Variants in CRB1 observed in about 807,000 individuals in gnomAD.
The protein encoded by CRB1 is crumbs cell polarity complex component 1.
In CRB1, 83 loss-of-function variants were observed where a neutral mutation model predicts 120.0. That is an observed-to-expected ratio of 0.69 (90% confidence interval 0.58 to 0.83). The LOEUF is 0.83. Among genes scored for constraint, CRB1 ranks in the 40% least tolerant of loss-of-function variants. The pLI is 0.00. For missense variants in CRB1, 1,699 were observed against 1,687.6 expected (o/e 1.01, Z -0.12); for synonymous variants, 625 against 612.5 (o/e 1.02, Z -0.30).
intron 2 of CRB1, among the ~76,000 whole-genome samples, chr1:197,339,612 G>T (rs1008882492): frequency 2.0e-5 from 3 of 152,174 alleles, no homozygotes; most frequent in Non-Finnish European, 4.4e-5. Context: ...CTTGCTGCGT[G>T]CATGGTGTGC....
intron 1 of CRB1, among the ~76,000 whole-genome samples, chr1:197,321,024 A>G (rs1469020636): frequency 6.6e-6 from 1 of 152,182 alleles, no homozygotes; most frequent in Non-Finnish European, 1.5e-5. Context: ...AAACAGTACA[A>G]GCTATTCCCA....
chr1:197,347,833 A>G (rs1039346716), intron 4 of CRB1, among the ~76,000 whole-genome samples: 2 of 90,558 alleles, frequency 2.2e-5, no homozygotes, highest in African/African-American at 5.2e-5. Flanking sequence ...AATCCATGAA[A>G]TAATGTTAAA....
chr1:197,209,968 G>C, the CRB1 span, among the ~76,000 whole-genome samples: 2 of 152,122 alleles, frequency 1.3e-5, no homozygotes, highest in African/African-American at 4.8e-5. Flanking sequence ...TCTTTCAAAG[G>C]GTCTGTGAAT....
At chr1:197,380,174 A>G (rs972971323) in intron 5 of CRB1, among the ~76,000 whole-genome samples, 11 of 152,192 alleles carry the variant, frequency 7.2e-5, no homozygotes, top group African/African-American at 2.4e-4. Context: ...GTCACCTATG[A>G]GACAATAGTC....
the CRB1 span, among the ~76,000 whole-genome samples, chr1:197,220,194 G>A: frequency 6.6e-6 from 1 of 151,518 alleles, no homozygotes; most frequent in Non-Finnish European, 1.5e-5. Context: ...AAAAAGAAAA[G>A]GAATAAAAGG....
intron 6 of CRB1, among the ~76,000 whole-genome samples, 193 bp downstream of exon 6, chr1:197,422,149 T>C (rs766984122): frequency 3.3e-5 from 5 of 152,204 alleles, no homozygotes; most frequent in Middle Eastern, 3.2e-3. Context: ...AGTGGATTCA[T>C]AGGACATCAG....
rs751935649 is a variant in CRB1, at chr1:197,421,568, T to TACCTTAATCGACG, written c.1743_1755dup (p.Ser586LeufsTer7). ...TAATATTTGCAGAGGCTGTGACCCT[T>TACCTTAATCGACG]ACCTTAATCGACGACTCCTGTAAGG... On this transcript the variant is annotated frameshift_variant, in exon 6 of 12. Transcript: ENST00000367400. LOFTEE classifies it high-confidence loss of function. 1.9e-6 allele frequency: 3 copies of TACCTTAATCGACG among 1,614,242 alleles called. No homozygotes were observed. Among genetic ancestry groups the TACCTTAATCGACG allele is most frequent in the Non-Finnish European group, 2.5e-6 (3 of 1,180,042 alleles).
chr1:197,211,454 A>G, the CRB1 span, among the ~76,000 whole-genome samples: 7 of 152,236 alleles, frequency 4.6e-5, no homozygotes, highest in Admixed American at 6.5e-5. Flanking sequence ...TCAAGGGGCC[A>G]GCATTCAGTG....
At chr1:197,265,702 G>A (rs894714900), upstream of CRB1, among the ~76,000 whole-genome samples, 3 of 152,056 alleles carry the variant, frequency 2.0e-5, no homozygotes, top group Admixed American at 6.6e-5. Context: ...GATAAAATTC[G>A]TTTTCATGTT....
the CRB1 span, among the ~76,000 whole-genome samples, chr1:197,227,393 C>CTTTTTTTT: frequency 7.2e-6 from 1 of 138,126 alleles, no homozygotes. Flanking sequence ...TTTTCTTTTT[C>CTTTTTTTT]TTTTTTTTTT....
intron 1 of CRB1, among the ~76,000 whole-genome samples, chr1:197,299,099 C>G (rs1217278923): frequency 6.6e-6 from 1 of 151,934 alleles, no homozygotes; most frequent in African/African-American, 2.4e-5. Context: ...GCATGGCATA[C>G]AGTCAACAAG....
chr1:197,327,646 A>G (rs1481254797), intron 1 of CRB1, among the ~76,000 whole-genome samples: 1 of 152,232 alleles, frequency 6.6e-6, no homozygotes, highest in Non-Finnish European at 1.5e-5. Context: ...TTATTTTAGC[A>G]CTAGAAATAC....
chr1:197,245,543 G>C, the CRB1 span, among the ~76,000 whole-genome samples: 1 of 152,030 alleles, frequency 6.6e-6, no homozygotes, highest in Non-Finnish European at 1.5e-5. Flanking sequence ...AAGCATCTTT[G>C]TTATATAATT....
the CRB1 span, among the ~76,000 whole-genome samples, chr1:197,248,458 G>T: frequency 6.6e-6 from 1 of 151,878 alleles, no homozygotes; most frequent in African/African-American, 2.4e-5. Flanking sequence ...GGCAAATGGT[G>T]ATTATTATAA....
At chr1:197,242,131 G>T in the CRB1 span, among the ~76,000 whole-genome samples, 2 of 152,038 alleles carry the variant, frequency 1.3e-5, no homozygotes, top group Non-Finnish European at 2.9e-5. Context: ...TATGTCATCT[G>T]CAGAGACAAT....
At chr1:197,274,785 A>T (rs114596552) in intron 1 of CRB1, among the ~76,000 whole-genome samples, 2,019 of 151,420 alleles carry the variant, frequency 0.013, 45 homozygotes, top group African/African-American at 0.044. Flanking sequence ...TATTACTGAA[A>T]AATATTCCAT....
At chr1:197,426,654 T>C (rs980673547) in intron 6 of CRB1, among the ~76,000 whole-genome samples, 2 of 152,078 alleles carry the variant, frequency 1.3e-5, no homozygotes, top group Non-Finnish European at 2.9e-5. Context: ...CCACAGGAAA[T>C]GCAGGGTGGG....
intron 11 of CRB1, among the ~76,000 whole-genome samples, chr1:197,456,238 A>T: frequency 6.6e-6 from 1 of 152,134 alleles, no homozygotes; most frequent in East Asian, 1.9e-4. Flanking sequence ...GAAAAAAATT[A>T]TATTTTGAAA....
At chr1:197,281,040 T>C (rs1331922409) in intron 1 of CRB1, among the ~76,000 whole-genome samples, 2 of 151,868 alleles carry the variant, frequency 1.3e-5, no homozygotes, top group Non-Finnish European at 1.5e-5. Flanking sequence ...AAAAAATCAA[T>C]TTAAAAAATA....
Sources: gnomAD v4.1 joint callset for allele counts (sites outside exome capture counted in the v4.1 genomes callset) on GRCh38, gnomAD v4.1.1 for gene constraint, MANE v1.5 for transcripts, NCBI Gene and HGNC (gene_info 2026-07-23, HGNC 2026-07-21) for gene names.